LINC00305: variants seen among roughly 807,000 people sequenced by gnomAD.
LINC00305 encodes long intergenic non-protein coding RNA 305.
At chr18:64,137,678 A>G (rs1335680005) in intron 1 of LINC00305, among the ~76,000 whole-genome samples, 1 of 152,146 alleles carries the variant, frequency 6.6e-6, no homozygotes, top group Non-Finnish European at 1.5e-5. Flanking sequence ...GAGTCCTGCT[A>G]TGTCACACTG....
chr18:64,129,556 A>C (rs904762248), intron 1 of LINC00305, among the ~76,000 whole-genome samples: 2 of 152,098 alleles, frequency 1.3e-5, no homozygotes, highest in African/African-American at 2.4e-5. Flanking sequence ...ATTTCTTATT[A>C]TTAAAATAAA....
At chr18:64,131,319 A>G (rs1393574984) in intron 1 of LINC00305, among the ~76,000 whole-genome samples, 2 of 152,212 alleles carry the variant, frequency 1.3e-5, no homozygotes, top group South Asian at 2.1e-4. Context: ...CTTGACTTCT[A>G]TACACTATGC....
In LINC00305 at chr18:64,107,488, T is replaced by C. The variant is rs541401412; in HGVS notation, n.315-8848A>G. Among the ~76,000 whole-genome samples the C allele has an allele frequency of 2.0e-5, 3 of 152,336 alleles. No homozygotes were observed. In the South Asian group the frequency reaches 6.2e-4, roughly 32 times the overall value. On this transcript the variant is annotated intron_variant and non_coding_transcript_variant, in intron 1 of 3. Coordinates refer to ENST00000666468, the Ensembl canonical transcript of LINC00305. The stretch of plus-strand genomic sequence containing the variant: ...CTTCAGATGCTGGAGTGATGATGGC[T>C]GCGTACAGAAGGCATTGGGATAGAT...
At chr18:64,138,635 C>T (rs906171942) in intron 1 of LINC00305, among the ~76,000 whole-genome samples, 2 of 152,080 alleles carry the variant, frequency 1.3e-5, no homozygotes, top group Non-Finnish European at 1.5e-5. Context: ...AGTTCTACTC[C>T]GGGTTGTTTT....
intron 1 of LINC00305, among the ~76,000 whole-genome samples, chr18:64,142,576 C>T (rs1398726747): frequency 6.6e-6 from 1 of 152,130 alleles, no homozygotes; most frequent in Admixed American, 6.5e-5. Context: ...GCAGGGACCC[C>T]CAGGCACTGC....
At chr18:64,105,359 G>A (rs777619352) in intron 1 of LINC00305, among the ~76,000 whole-genome samples, 15 of 152,116 alleles carry the variant, frequency 9.9e-5, no homozygotes, top group Non-Finnish European at 2.1e-4. Context: ...TACTAGGGAG[G>A]CTGAGGTGGG....
At chr18:64,084,389 A>C (rs942271770) in intron 3 of LINC00305, among the ~76,000 whole-genome samples, 2 of 152,194 alleles carry the variant, frequency 1.3e-5, no homozygotes, top group African/African-American at 4.8e-5. Context: ...CCCGTGACAC[A>C]AGTTTACCTA....
intron 1 of LINC00305, among the ~76,000 whole-genome samples, chr18:64,123,588 A>G (rs188344542): frequency 3.3e-5 from 5 of 151,762 alleles, no homozygotes; most frequent in African/African-American, 9.7e-5. Flanking sequence ...ACTTACCCCA[A>G]CCTTCCCCTT....
chr18:64,124,512 C>T (rs1270312652), intron 1 of LINC00305, among the ~76,000 whole-genome samples: 2 of 152,044 alleles, frequency 1.3e-5, no homozygotes, highest in African/African-American at 4.8e-5. Context: ...AGCTTGTTGC[C>T]AAACTGATTA....
chr18:64,129,126 T>C (rs946281010), intron 1 of LINC00305, among the ~76,000 whole-genome samples: 5 of 152,160 alleles, frequency 3.3e-5, no homozygotes, highest in Non-Finnish European at 7.4e-5. Flanking sequence ...TGTAATTTAC[T>C]TTCCAAGGAA....
intron 1 of LINC00305, among the ~76,000 whole-genome samples, chr18:64,114,857 G>GT (rs1178927235): frequency 2.0e-5 from 3 of 152,292 alleles, no homozygotes; most frequent in East Asian, 3.9e-4. Context: ...CCTATTTTAT[G>GT]TTTTTTTGAA....
intron 1 of LINC00305, among the ~76,000 whole-genome samples, chr18:64,142,278 G>T (rs1791825580): frequency 6.6e-6 from 1 of 152,202 alleles, no homozygotes; most frequent in Non-Finnish European, 1.5e-5. Context: ...TAAAAAAGTT[G>T]TTGTTGAAAA....
At chr18:64,139,561 A>G (rs2051451359) in intron 1 of LINC00305, 1 of 152,236 alleles carries the variant, frequency 6.6e-6, no homozygotes, top group African/African-American at 2.4e-5. Flanking sequence ...CAAGTTCAGG[A>G]GTCTTCCCCT....
chr18:64,090,584 G>T (rs551012143), intron 3 of LINC00305, among the ~76,000 whole-genome samples: 10 of 152,270 alleles, frequency 6.6e-5, no homozygotes, highest in African/African-American at 2.2e-4. Flanking sequence ...GCGATCACTT[G>T]CAGGACTTGG....
chr18:64,137,870 A>ACAAT (rs2051442874), intron 1 of LINC00305, among the ~76,000 whole-genome samples: 1 of 151,806 alleles, frequency 6.6e-6, no homozygotes, highest in Non-Finnish European at 1.5e-5. Context: ...ACACACACAC[A>ACAAT]ATATAAATCA....
At chr18:64,092,138 C>A (rs891888688) in intron 3 of LINC00305, among the ~76,000 whole-genome samples, 1 of 152,222 alleles carries the variant, frequency 6.6e-6, no homozygotes, top group African/African-American at 2.4e-5. Flanking sequence ...GCTTTTCTCA[C>A]AGGTTTTGTT....
intron 3 of LINC00305, among the ~76,000 whole-genome samples, chr18:64,082,806 CT>C (rs2051190062): frequency 6.6e-6 from 1 of 152,062 alleles, no homozygotes; most frequent in Non-Finnish European, 1.5e-5. Context: ...ACTTTATTTT[CT>C]GTTTCCATTT....
chr18:64,127,093 G>A (rs2051388808), intron 1 of LINC00305, among the ~76,000 whole-genome samples: 1 of 152,016 alleles, frequency 6.6e-6, no homozygotes. Context: ...CCCCTGCCAA[G>A]TAACCAATTT....
intron 1 of LINC00305, among the ~76,000 whole-genome samples, chr18:64,133,366 G>A (rs899436180): frequency 1.3e-5 from 2 of 152,056 alleles, no homozygotes; most frequent in African/African-American, 4.8e-5. Context: ...TGGGAGTTTA[G>A]AGTCCTAAAT....
Sources: gnomAD v4.1 joint callset for allele counts (sites outside exome capture counted in the v4.1 genomes callset) on GRCh38, gnomAD v4.1.1 for gene constraint, MANE v1.5 for transcripts, NCBI Gene and HGNC (gene_info 2026-07-23, HGNC 2026-07-21) for gene names.